The following RGS7 variants were observed in gnomAD, a reference collection of about 807,000 sequenced individuals.
The protein encoded by RGS7 is regulator of G-protein signaling 7.
Under a neutral mutation model 81.1 loss-of-function variants are expected in RGS7, and 27 were observed. The ratio of observed to expected loss-of-function variants is 0.33; its 90% CI spans 0.25 to 0.46. The LOEUF is 0.46. Among genes scored for constraint, RGS7 ranks in the 20% least tolerant of loss-of-function variants. The pLI, the probability that RGS7 is intolerant of heterozygous loss-of-function variation, is 1.00. For missense variants in RGS7, 396 were observed against 607.4 expected (o/e 0.65, Z 3.66); for synonymous variants, 208 against 207.7 (o/e 1.00, Z -0.01).
chr1:241,216,075 T>C (rs1056549781), intron 2 of RGS7, among the ~76,000 whole-genome samples: 2 of 151,646 alleles, frequency 1.3e-5, no homozygotes, highest in Admixed American at 1.3e-4. Flanking sequence ...ATCGAGACCA[T>C]CCTGGCCAAT....
At chr1:241,202,347 G>C (rs1269471484) in intron 2 of RGS7, among the ~76,000 whole-genome samples, 1 of 152,010 alleles carries the variant, frequency 6.6e-6, no homozygotes, top group Non-Finnish European at 1.5e-5. Flanking sequence ...TTCTGTGGGG[G>C]CCAAGGGAAA....
chr1:241,329,247 A>G (rs540290471), intron 2 of RGS7, among the ~76,000 whole-genome samples: 1 of 152,358 alleles, frequency 6.6e-6, no homozygotes, highest in South Asian at 2.1e-4. Flanking sequence ...GTTACAACCA[A>G]TAAGTATTAA....
At chr1:241,189,820 A>C (rs2072449759) in intron 2 of RGS7, among the ~76,000 whole-genome samples, 1 of 152,166 alleles carries the variant, frequency 6.6e-6, no homozygotes, top group Non-Finnish European at 1.5e-5. Flanking sequence ...TTTGTCCAAA[A>C]AATCAATTGG....
intron 2 of RGS7, among the ~76,000 whole-genome samples, chr1:241,344,285 T>G (rs2082751029): frequency 6.6e-6 from 1 of 152,172 alleles, no homozygotes; most frequent in Non-Finnish European, 1.5e-5. Context: ...TATACAACAG[T>G]TTTAAACAAA....
chr1:240,872,707 GAT>G (rs1173474620), intron 6 of RGS7, among the ~76,000 whole-genome samples: 2 of 152,160 alleles, frequency 1.3e-5, no homozygotes, highest in African/African-American at 4.8e-5. Flanking sequence ...GGTCCAAGTA[GAT>G]CAAAGATGAT....
At chr1:240,835,997 A>G (rs997372172) in intron 9 of RGS7, among the ~76,000 whole-genome samples, 2 of 152,258 alleles carry the variant, frequency 1.3e-5, no homozygotes, top group African/African-American at 2.4e-5. Context: ...TGACACTACA[A>G]TAGTGAATAC....
chr1:241,265,331 C>T (rs1443919229), intron 2 of RGS7, among the ~76,000 whole-genome samples: 1 of 152,220 alleles, frequency 6.6e-6, no homozygotes, highest in Non-Finnish European at 1.5e-5. Flanking sequence ...TCAAAACAAA[C>T]TTGTTCATGG....
intron 2 of RGS7, among the ~76,000 whole-genome samples, chr1:241,351,245 C>A (rs951528148): frequency 2.0e-5 from 3 of 151,768 alleles, no homozygotes; most frequent in Non-Finnish European, 4.4e-5. Context: ...ATAGTGAGAC[C>A]CCATCTCTAG....
chr1:240,966,000 C>T (rs549004939), intron 4 of RGS7, among the ~76,000 whole-genome samples: 1 of 152,212 alleles, frequency 6.6e-6, no homozygotes, highest in East Asian at 1.9e-4. Flanking sequence ...GCTCTCTGTG[C>T]TTAATAGCTC....
At chr1:241,288,765 C>T (rs182137248) in intron 2 of RGS7, among the ~76,000 whole-genome samples, 103 of 152,294 alleles carry the variant, frequency 6.8e-4, no homozygotes, top group African/African-American at 2.3e-3. Flanking sequence ...TCGTGCCCTG[C>T]CCAAAGCCTC....
At chr1:240,841,628 G>C (rs1294247034) in intron 9 of RGS7, among the ~76,000 whole-genome samples, 1 of 152,146 alleles carries the variant, frequency 6.6e-6, no homozygotes, top group Admixed American at 6.5e-5. Flanking sequence ...AAACTATATA[G>C]ATTAGTCACT....
chr1:240,965,043 G>A lies in RGS7; in HGVS notation c.226+18036C>T, dbSNP rs180819362. ...AATTAGATGTTTCAACTTCAAACAA[G>A]TTAATGTTTCAACTTCAAGTTGAAA... On this transcript the variant is annotated intron_variant, in intron 4 of 18. Coordinates refer to ENST00000440928, the MANE Select transcript of RGS7 (RefSeq NM_001364886.1). Among the ~76,000 whole-genome samples the A allele has an allele frequency of 3.9e-5, 6 of 152,288 alleles. No homozygotes were observed. The East Asian group carries it at 9.6e-4, about 24-fold the overall frequency.
chr1:241,075,490 C>T (rs149894089), intron 3 of RGS7, among the ~76,000 whole-genome samples: 6 of 152,152 alleles, frequency 3.9e-5, no homozygotes, highest in African/African-American at 1.4e-4. Flanking sequence ...CATATACAGG[C>T]CCTAGATCAG....
chr1:241,200,275 TTCTC>T (rs150671651), intron 2 of RGS7, among the ~76,000 whole-genome samples: 1,619 of 152,270 alleles, frequency 0.011, 14 homozygotes, highest in African/African-American at 0.021. Context: ...AGTGTTCCTT[TTCTC>T]TCTCTTTCCC....
chr1:241,284,442 C>A (rs902572263), intron 2 of RGS7, among the ~76,000 whole-genome samples: 24 of 152,014 alleles, frequency 1.6e-4, no homozygotes, highest in African/African-American at 4.8e-4. Context: ...TCAATGATAC[C>A]AGAGTGGTGA....
intron 9 of RGS7, among the ~76,000 whole-genome samples, chr1:240,844,551 C>T (rs1658710698): frequency 6.6e-6 from 1 of 152,160 alleles, no homozygotes; most frequent in Admixed American, 6.5e-5. Context: ...TCTCATTCTA[C>T]CCATGGCTCA....
intron 3 of RGS7, among the ~76,000 whole-genome samples, chr1:241,041,616 C>T (rs1181328497): frequency 6.6e-6 from 1 of 152,130 alleles, no homozygotes. Context: ...ACTCCCACTT[C>T]CCCCAATCTT....
chr1:241,028,207 G>A (rs1231206402), intron 3 of RGS7, among the ~76,000 whole-genome samples: 1 of 152,166 alleles, frequency 6.6e-6, no homozygotes, highest in Admixed American at 6.5e-5. Flanking sequence ...TGGCCACATA[G>A]ACTCAACCAT....
At chr1:241,171,362 G>T in intron 2 of RGS7, among the ~76,000 whole-genome samples, 1 of 152,170 alleles carries the variant, frequency 6.6e-6, no homozygotes. Context: ...GGCAGACATT[G>T]TTTCCATTGT....
Sources: gnomAD v4.1 joint callset for allele counts (sites outside exome capture counted in the v4.1 genomes callset) on GRCh38, gnomAD v4.1.1 for gene constraint, MANE v1.5 for transcripts, NCBI Gene and HGNC (gene_info 2026-07-23, HGNC 2026-07-21) for gene names.